ZPBP: variants seen among roughly 807,000 people sequenced by gnomAD.
ZPBP encodes zona pellucida-binding protein 1.
ZPBP carries 26 observed loss-of-function variants against 44.8 expected under a neutral mutation model. The observed-to-expected ratio is 0.58, with a 90% CI of 0.43 to 0.81. ZPBP has a LOEUF of 0.81. Ranked by LOEUF, ZPBP falls within the 30% of genes least tolerant of loss-of-function variation. The probability of loss-of-function intolerance (pLI) is 0.00; values close to 1 mark genes in which losing one functional copy is unlikely to be tolerated. For synonymous variants in ZPBP, 174 were observed against 153.2 expected, an observed-to-expected ratio of 1.14 and a Z score of -1.00; for missense variants, 409 against 434.0, an observed-to-expected ratio of 0.94 and a Z score of 0.51.
chr7:50,006,450 A>C (rs1798317094), intron 6 of ZPBP, among the ~76,000 whole-genome samples: 1 of 152,116 alleles, frequency 6.6e-6, no homozygotes, highest in African/African-American at 2.4e-5. Context: ...CTAATTTAAT[A>C]TGATTAAATT....
chr7:49,847,839 C>T (rs796567852), downstream of ZPBP, among the ~76,000 whole-genome samples: 11 of 152,112 alleles, frequency 7.2e-5, no homozygotes, highest in African/African-American at 2.4e-4. Flanking sequence ...TGTGAAAGCC[C>T]GCAGAGGAGG....
intron 7 of ZPBP, among the ~76,000 whole-genome samples, chr7:49,955,412 C>T (rs1009734374): frequency 5.9e-5 from 9 of 152,144 alleles, no homozygotes; most frequent in African/African-American, 2.2e-4. Context: ...CAAAAATTAG[C>T]TGGGTGTGCT....
Position 49,903,253 on chromosome 7 carries a change from CT to C in ZPBP, n.412-2039del, listed in dbSNP as rs1431767734. 7.2e-5 allele frequency among the ~76,000 whole-genome samples: 11 copies of C among 152,292 alleles called. 1 individual carries two copies. Among genetic ancestry groups the C allele is most frequent in the Admixed American group, 5.9e-4 (9 of 15,298 alleles). On this transcript the variant is annotated intron_variant and non_coding_transcript_variant, in intron 1 of 2. Coordinates refer to the ZPBP transcript ENST00000465922. ...TCCAGCAATTGTGGTAGTTGTATTT[CT>C]CCTGTGCTTTCATTTAGGAGAAAGA... is the stretch of plus-strand genomic sequence containing the variant.
chr7:49,982,253 T>C (rs1315987798), intron 7 of ZPBP, among the ~76,000 whole-genome samples: 1 of 105,972 alleles, frequency 9.4e-6, no homozygotes, highest in African/African-American at 3.7e-5. Flanking sequence ...ATATTATATA[T>C]TTATATTATA....
intron 2 of ZPBP, among the ~76,000 whole-genome samples, chr7:49,890,222 T>A (rs567115128): frequency 1.5e-3 from 227 of 152,342 alleles, no homozygotes; most frequent in African/African-American, 5.1e-3. Flanking sequence ...ACTATCCTAA[T>A]AATTTTCCCA....
chr7:50,086,624 A>G (rs1183169658), intron 2 of ZPBP, among the ~76,000 whole-genome samples: 2 of 152,044 alleles, frequency 1.3e-5, no homozygotes, highest in African/African-American at 4.8e-5. Context: ...GAATCTGCAA[A>G]CTTGAAGATA....
At chr7:50,025,379 G>A (rs1584068290) in intron 5 of ZPBP, among the ~76,000 whole-genome samples, 1 of 151,766 alleles carries the variant, frequency 6.6e-6, no homozygotes, top group South Asian at 2.1e-4. Context: ...CCCAACTTCA[G>A]GACTTACTAT....
intron 6 of ZPBP, among the ~76,000 whole-genome samples, chr7:50,012,532 C>T (rs1798635158): frequency 6.6e-6 from 1 of 151,300 alleles, no homozygotes; most frequent in Non-Finnish European, 1.5e-5. Context: ...CTTAATAAAA[C>T]ATTAACAAAT....
Position 50,083,731 on chromosome 7 carries a change from G to A in ZPBP, c.209-1832C>T, listed in dbSNP as rs1802490129. On this transcript the variant is annotated intron_variant, in intron 2 of 7. Transcript: ENST00000046087. The stretch of plus-strand genomic sequence containing the variant: ...GTAGACAAGGTACCTAAAATCACTG[G>A]AGAAAATATAGATTATCAATAAATT... 2.0e-5 allele frequency among the ~76,000 whole-genome samples: 3 copies of A among 151,838 alleles called. No homozygotes were observed. In the South Asian group the frequency reaches 6.2e-4, roughly 32 times the overall value.
chr7:50,039,374 T>C (rs1397881530), intron 4 of ZPBP, among the ~76,000 whole-genome samples: 1 of 152,128 alleles, frequency 6.6e-6, no homozygotes, highest in East Asian at 1.9e-4. Flanking sequence ...CTAAAAGAAG[T>C]GATTCAGAAT....
chr7:49,865,308 C>G (rs572131660), intron 2 of ZPBP, among the ~76,000 whole-genome samples: 1 of 152,286 alleles, frequency 6.6e-6, no homozygotes, highest in East Asian at 1.9e-4. Flanking sequence ...AATAGATTCT[C>G]TCCTATCCAT....
chr7:50,089,800 G>T, intron 1 of ZPBP, 91 bp from the exon 2 acceptor site: 1 of 1,000,346 alleles, frequency 1.0e-6, no homozygotes, highest in Non-Finnish European at 1.5e-6. Flanking sequence ...TGGTTGAAGG[G>T]GAGAGCCATA....
intron 5 of ZPBP, among the ~76,000 whole-genome samples, chr7:50,030,129 G>A (rs1584079095): frequency 6.6e-6 from 1 of 152,082 alleles, no homozygotes; most frequent in East Asian, 1.9e-4. Flanking sequence ...TGCTGAACCT[G>A]AAGAGAGCCA....
At chr7:50,034,565 T>A (rs560507041) in intron 4 of ZPBP, among the ~76,000 whole-genome samples, 1 of 152,308 alleles carries the variant, frequency 6.6e-6, no homozygotes, top group African/African-American at 2.4e-5. Context: ...CTGCTCCAGA[T>A]GTTAACTTTT....
intron 6 of ZPBP, among the ~76,000 whole-genome samples, chr7:49,994,469 C>T (rs1034795526): frequency 1.3e-5 from 2 of 152,206 alleles, no homozygotes; most frequent in Non-Finnish European, 2.9e-5. Flanking sequence ...CAAGTGAATA[C>T]CACCTCCATC....
chr7:50,000,127 G>C (rs11185598), intron 6 of ZPBP, among the ~76,000 whole-genome samples: 121,313 of 152,068 alleles, frequency 0.8, 48,539 homozygotes, highest in East Asian at 0.89. Flanking sequence ...TATAAAGTAA[G>C]TACTATGAAA....
intron 1 of ZPBP, among the ~76,000 whole-genome samples, chr7:49,928,464 CT>C (rs1369420611): frequency 4.6e-5 from 7 of 152,306 alleles, no homozygotes; most frequent in African/African-American, 1.7e-4. Context: ...TTCTCAGAGC[CT>C]TATCTATTGA....
chr7:49,933,047 G>A (rs1207355184), downstream of ZPBP, among the ~76,000 whole-genome samples: 2 of 152,152 alleles, frequency 1.3e-5, no homozygotes, highest in Non-Finnish European at 1.5e-5. Context: ...TTTATTAGCA[G>A]TGTGAGAACA....
chr7:50,040,477 T>C (rs1250300008), intron 4 of ZPBP, among the ~76,000 whole-genome samples: 1 of 152,266 alleles, frequency 6.6e-6, no homozygotes, highest in African/African-American at 2.4e-5. Flanking sequence ...GTTCATCTCA[T>C]TGGGACTGGT....
Sources: gnomAD v4.1 joint callset for allele counts (sites outside exome capture counted in the v4.1 genomes callset) on GRCh38, gnomAD v4.1.1 for gene constraint, MANE v1.5 for transcripts, NCBI Gene and HGNC (gene_info 2026-07-23, HGNC 2026-07-21) for gene names.